Variants in CD226 observed in about 807,000 individuals in gnomAD.
CD226 encodes CD226 molecule.
CD226 carries 24 observed loss-of-function variants against 34.9 expected under a neutral mutation model. The observed-to-expected ratio is 0.69, with a 90% CI of 0.50 to 0.97. CD226 has a LOEUF of 0.97. Ranked by LOEUF, CD226 falls within the 50% of genes least tolerant of loss-of-function variation. The probability of loss-of-function intolerance (pLI) is 0.00; values close to 1 mark genes in which losing one functional copy is unlikely to be tolerated. For missense variants in CD226, 397 were observed against 412.7 expected, an observed-to-expected ratio of 0.96 and a Z score of 0.33; for synonymous variants, 148 against 147.4, an observed-to-expected ratio of 1.00 and a Z score of -0.03.
chr18:69,910,475 A>G (rs2055310599), intron 2 of CD226, among the ~76,000 whole-genome samples: 1 of 152,240 alleles, frequency 6.6e-6, no homozygotes, highest in African/African-American at 2.4e-5. Flanking sequence ...TCTGCAGGAC[A>G]CTGGGCTAGT....
chr18:69,873,091 A>T (rs999314544), intron 4 of CD226, 53 bp downstream of exon 4: 4 of 980,202 alleles, frequency 4.1e-6, no homozygotes, highest in Non-Finnish European at 6.6e-6. Flanking sequence ...TGGGTTATTA[A>T]TAGAGAACCT....
chr18:69,944,773 C>T (rs934330339), intron 2 of CD226, among the ~76,000 whole-genome samples: 2 of 152,180 alleles, frequency 1.3e-5, no homozygotes, highest in African/African-American at 4.8e-5. Context: ...AACTTCCAAG[C>T]AGGATTTAAC....
chr18:69,956,496 T>G (rs2055898408), intron 1 of CD226: 1 of 152,218 alleles, frequency 6.6e-6, no homozygotes, highest in South Asian at 2.1e-4. Flanking sequence ...CGATCAGATC[T>G]ATTATAAATA....
upstream of CD226, among the ~76,000 whole-genome samples, chr18:69,951,920 C>T (rs929163693): frequency 6.6e-6 from 1 of 152,196 alleles, no homozygotes; most frequent in Non-Finnish European, 1.5e-5. Context: ...AGTCTCACTA[C>T]AGGGTATCTA....
chr18:69,905,891 T>C (rs2055246969), intron 2 of CD226, among the ~76,000 whole-genome samples: 1 of 152,150 alleles, frequency 6.6e-6, no homozygotes, highest in African/African-American at 2.4e-5. Flanking sequence ...CTCACCAAGG[T>C]CTGTCAAAGA....
In CD226 at chr18:69,859,081, G is replaced by A. The variant is rs1207814953; in HGVS notation, c.*5233C>T. On this transcript the variant is annotated 3_prime_UTR_variant, in exon 6 of 6. Coordinates refer to ENST00000582621, the MANE Select transcript of CD226 (RefSeq NM_001303618.2). ...TTATTATTCCTTGTTATGGGCACTC[G>A]TTAAACATTTACAACACGGAAACAC... is the stretch of plus-strand genomic sequence containing the variant. 5.3e-5 allele frequency: 8 copies of A among 151,948 alleles called. No individual in the cohort carries two copies. Among genetic ancestry groups the A allele is most frequent in the South Asian group, 4.1e-4 (2 of 4,820 alleles). The allele number at this position is 151,948 out of a possible 1,614,324, so 9.4% of individuals were successfully genotyped here. A position where few individuals can be genotyped will look rare whatever the true frequency, so the allele number is the denominator to read the frequency against.
chr18:69,940,274 T>C (rs1466841883), intron 2 of CD226, among the ~76,000 whole-genome samples: 2 of 152,200 alleles, frequency 1.3e-5, no homozygotes, highest in East Asian at 3.8e-4. Context: ...CTGTCTCAGG[T>C]ATGTCTTTAT....
intron 2 of CD226, among the ~76,000 whole-genome samples, chr18:69,898,868 T>C (rs1985451626): frequency 6.6e-6 from 1 of 152,236 alleles, no homozygotes; most frequent in Admixed American, 6.5e-5. Context: ...AAGAGAACCG[T>C]GGGATCCTGA....
intron 5 of CD226, among the ~76,000 whole-genome samples, chr18:69,866,619 C>T (rs1186564950): frequency 6.6e-6 from 1 of 152,208 alleles, no homozygotes; most frequent in Admixed American, 6.5e-5. Context: ...TGCAATTTAA[C>T]CATCACAATA....
chr18:69,870,730 G>A (rs560751614), intron 4 of CD226, among the ~76,000 whole-genome samples: 120 of 152,346 alleles, frequency 7.9e-4, no homozygotes, highest in Non-Finnish European at 1.2e-3. Flanking sequence ...ACCAGGCACT[G>A]AGTGTGAAGT....
At chr18:69,945,924 C>A (rs930137238) in intron 2 of CD226, among the ~76,000 whole-genome samples, 1 of 151,766 alleles carries the variant, frequency 6.6e-6, no homozygotes, top group East Asian at 1.9e-4. Context: ...TTTTTTAAAC[C>A]ATCAGATCTC....
chr18:69,939,907 A>T (rs1038284958), intron 2 of CD226, among the ~76,000 whole-genome samples: 4 of 152,150 alleles, frequency 2.6e-5, no homozygotes, highest in Non-Finnish European at 5.9e-5. Flanking sequence ...CCACACTGCA[A>T]ATTTGGGCTT....
chr18:69,908,808 GC>G (rs1169775836), intron 2 of CD226, among the ~76,000 whole-genome samples: 1 of 152,140 alleles, frequency 6.6e-6, no homozygotes, highest in Non-Finnish European at 1.5e-5. Flanking sequence ...ACTAGAATCT[GC>G]CATATACTCC....
rs1490929093 is a variant in CD226, at chr18:69,858,959, C to T, written c.*5355G>A. 6.6e-6 allele frequency: 1 copy of T among 151,654 alleles called. No homozygotes were observed. Among genetic ancestry groups the T allele is most frequent in the Non-Finnish European group, 1.5e-5 (1 of 67,946 alleles). 9.4% of individuals were successfully genotyped at this position (151,654 alleles called of 1,614,324 possible). On this transcript the variant is annotated 3_prime_UTR_variant, in exon 6 of 6. Coordinates refer to ENST00000582621, the MANE Select transcript of CD226 (RefSeq NM_001303618.2). ...GGCCAAGTTGGTCTCAAACTCCTGA[C>T]CTCGTATTTTTTTTTTTCTTCAACA...
At chr18:69,896,411 G>A (rs974587161) in intron 2 of CD226, among the ~76,000 whole-genome samples, 2 of 152,148 alleles carry the variant, frequency 1.3e-5, no homozygotes, top group African/African-American at 4.8e-5. Flanking sequence ...TCAATCTCCT[G>A]ACCTTGTGAT....
chr18:69,901,857 C>T lies in CD226; in HGVS notation c.383-5812G>A, dbSNP rs1029352806. On this transcript the variant is annotated intron_variant, in intron 2 of 5. Transcript: ENST00000582621. Reference sequence around the variant, plus strand: ...TCGCACCACTGCACTCCAGCCTGGGCGACAGAGCAAGACTCTGACTCAAAA... The same window carrying T: ...TCGCACCACTGCACTCCAGCCTGGGTGACAGAGCAAGACTCTGACTCAAAA... Among the ~76,000 whole-genome samples, 242 of 147,966 alleles carry T rather than the reference C, an allele frequency of 1.6e-3. 3 individuals are homozygous for T. Among genetic ancestry groups the T allele is most frequent in the African/African-American group, 5.8e-3 (231 of 39,766 alleles).
At chr18:69,912,415 T>C (rs2055336740) in intron 2 of CD226, among the ~76,000 whole-genome samples, 2 of 152,234 alleles carry the variant, frequency 1.3e-5, no homozygotes, top group South Asian at 4.1e-4. Context: ...ATTTTTAAAA[T>C]GATGCCCCTT....
chr18:69,896,778 G>A (rs1383571002), intron 2 of CD226, among the ~76,000 whole-genome samples: 1 of 152,188 alleles, frequency 6.6e-6, no homozygotes, highest in African/African-American at 2.4e-5. Context: ...GATTCTGACA[G>A]TTATGAAAAA....
intron 3 of CD226, among the ~76,000 whole-genome samples, chr18:69,885,542 T>C (rs1599393799): frequency 1.3e-5 from 2 of 152,088 alleles, no homozygotes; most frequent in Admixed American, 1.3e-4. Flanking sequence ...GAGTGGACTT[T>C]CCCACACAGG....
Sources: allele counts gnomAD v4.1 joint callset (sites outside exome capture counted in the v4.1 genomes callset), GRCh38; gene constraint gnomAD v4.1.1; transcripts MANE v1.5; gene names NCBI Gene and HGNC (gene_info 2026-07-23, HGNC 2026-07-21).